TMEM131L: variants seen among roughly 807,000 people sequenced by gnomAD.
The protein encoded by TMEM131L is transmembrane 131 like, also known as transmembrane protein 131-like.
TMEM131L carries 54 observed loss-of-function variants against 192.2 expected under a neutral mutation model. The observed-to-expected ratio is 0.28, with a 90% confidence interval of 0.23 to 0.35. The LOEUF (loss-of-function observed/expected upper bound fraction) is 0.35. TMEM131L is among the 10% of genes least tolerant of loss of function. TMEM131L has a pLI of 1.00. For missense variants in TMEM131L, 1,888 were observed against 1,972.9 expected, an observed-to-expected ratio of 0.96 and a Z score of 0.82; for synonymous variants, 701 against 704.9, an observed-to-expected ratio of 0.99 and a Z score of 0.09.
chr4:153,548,134 A>C (rs1737331509), intron 3 of TMEM131L, among the ~76,000 whole-genome samples: 1 of 151,936 alleles, frequency 6.6e-6, no homozygotes, highest in African/African-American at 2.4e-5. Context: ...GTGGTTCTTC[A>C]CGTCGTTTCC....
chr4:153,572,930 G>C (rs1469275150), intron 7 of TMEM131L, among the ~76,000 whole-genome samples: 1 of 152,130 alleles, frequency 6.6e-6, no homozygotes, highest in Non-Finnish European at 1.5e-5. Flanking sequence ...GACTATTCTA[G>C]GTCCCTCATA....
chr4:153,480,263 C>T (rs146089421), intron 3 of TMEM131L, among the ~76,000 whole-genome samples: 2,854 of 151,890 alleles, frequency 0.019, 86 homozygotes, highest in African/African-American at 0.065. Context: ...GGCATGAACC[C>T]GGGAGTCGGA....
Position 153,636,604 on chromosome 4 carries a change from A to G in TMEM131L, c.*28A>G, listed in dbSNP as rs1442676048. 2 of 1,598,906 alleles carry G rather than the reference A, an allele frequency of 1.3e-6. No homozygotes were observed. The highest frequency in any genetic ancestry group is 1.7e-6 in the Non-Finnish European group (2 of 1,168,920). ...ATAATTGGATTTTTAAACAATGTGA[A>G]TAAAGAGGCTTGTGTTTTGATTACT... is the stretch of plus-strand genomic sequence containing the variant. On this transcript the variant is annotated 3_prime_UTR_variant, in exon 35 of 35. Coordinates refer to ENST00000409959, the MANE Select transcript of TMEM131L (RefSeq NM_001131007.2).
At chr4:153,492,710 G>A (rs2149899958) in intron 3 of TMEM131L, among the ~76,000 whole-genome samples, 1 of 152,286 alleles carries the variant, frequency 6.6e-6, no homozygotes, top group South Asian at 2.1e-4. Context: ...CATGTGACTT[G>A]GGCTACACTT....
At chr4:153,538,275 C>A (rs1736495161) in intron 3 of TMEM131L, among the ~76,000 whole-genome samples, 1 of 152,062 alleles carries the variant, frequency 6.6e-6, no homozygotes, top group African/African-American at 2.4e-5. Flanking sequence ...TCTGGAATAC[C>A]CTCCCACCTT....
In TMEM131L at chr4:153,537,014, G is replaced by A. The variant is rs192037696; in HGVS notation, c.240-13059G>A. On this transcript the variant is annotated intron_variant, in intron 3 of 34. Transcript: ENST00000409959. ...CTGCGCTGGCAGCTGATTAGATGGT[G>A]CCCACCCAGATTAAGGGTGGGTCTG... Among the ~76,000 whole-genome samples the A allele has an allele frequency of 2.4e-3, 371 of 152,266 alleles. 1 individual carries two copies. The highest frequency in any genetic ancestry group is 8.8e-3 in the African/African-American group (364 of 41,568).
At chr4:153,504,125 C>T (rs1226363036) in intron 3 of TMEM131L, among the ~76,000 whole-genome samples, 25 of 151,818 alleles carry the variant, frequency 1.6e-4, no homozygotes, top group Admixed American at 1.6e-3. Flanking sequence ...CGCCACCACG[C>T]CCGGCTAATT....
chr4:153,569,243 G>A (rs1041495721), intron 7 of TMEM131L, among the ~76,000 whole-genome samples: 2 of 152,160 alleles, frequency 1.3e-5, no homozygotes, highest in African/African-American at 2.4e-5. Context: ...GAGATCAGCC[G>A]ATTTCCAGCC....
intron 7 of TMEM131L, among the ~76,000 whole-genome samples, chr4:153,565,592 A>T (rs546234568): frequency 2.0e-5 from 3 of 152,328 alleles, no homozygotes; most frequent in South Asian, 2.1e-4. Flanking sequence ...AGTAAATGCT[A>T]TATTGATTTT....
intron 28 of TMEM131L, 115 bp downstream of exon 28, chr4:153,621,964 G>A: frequency 1.0e-6 from 1 of 999,486 alleles, no homozygotes; most frequent in South Asian, 1.6e-5. Flanking sequence ...AGGCAACTTA[G>A]CTAATAACTA....
chr4:153,530,190 G>C (rs777577363), intron 3 of TMEM131L, among the ~76,000 whole-genome samples: 2 of 152,070 alleles, frequency 1.3e-5, no homozygotes, highest in Admixed American at 6.6e-5. Flanking sequence ...TTGAATTTTG[G>C]CAGATCTTGG....
intron 27 of TMEM131L, among the ~76,000 whole-genome samples, chr4:153,621,280 C>T (rs1424447051): frequency 2.0e-5 from 3 of 152,148 alleles, no homozygotes; most frequent in Non-Finnish European, 4.4e-5. Flanking sequence ...GACCCACCTG[C>T]GCTATCTGGG....
intron 8 of TMEM131L, among the ~76,000 whole-genome samples, chr4:153,581,122 C>T (rs190919042): frequency 2.6e-4 from 39 of 152,260 alleles, no homozygotes; most frequent in African/African-American, 8.9e-4. Context: ...GGCGTGCTGG[C>T]GGGTGCCCGT....
chr4:153,496,608 G>T (rs143429573), intron 3 of TMEM131L, among the ~76,000 whole-genome samples: 18 of 152,270 alleles, frequency 1.2e-4, no homozygotes, highest in Admixed American at 1.2e-3. Context: ...GGCCAGGTTG[G>T]AGTGTGGTGG....
chr4:153,587,624 G>C (rs1290785395), intron 14 of TMEM131L, 118 bp from the exon 15 acceptor site: 1 of 758,444 alleles, frequency 1.3e-6, no homozygotes, highest in Admixed American at 2.1e-5. Flanking sequence ...TTTTTGGCTC[G>C]TGGTTAAAGG....
chr4:153,501,884 T>C (rs944577417), intron 3 of TMEM131L, among the ~76,000 whole-genome samples: 2 of 150,930 alleles, frequency 1.3e-5, no homozygotes, highest in South Asian at 4.2e-4. Context: ...AGGAAGGAGC[T>C]AGAGTAGGAT....
At chr4:153,511,054 A>G (rs1248783830) in intron 3 of TMEM131L, among the ~76,000 whole-genome samples, 2 of 152,240 alleles carry the variant, frequency 1.3e-5, no homozygotes, top group Admixed American at 1.3e-4. Context: ...TAGTTCAACC[A>G]CTGTGGAAAG....
At chr4:153,472,430 C>G (rs554417021) in intron 2 of TMEM131L, among the ~76,000 whole-genome samples, 7 of 152,116 alleles carry the variant, frequency 4.6e-5, no homozygotes, top group African/African-American at 1.4e-4. Context: ...TAGTCATATC[C>G]ACATGTAGTT....
At chr4:153,480,264 G>C (rs931584049) in intron 3 of TMEM131L, among the ~76,000 whole-genome samples, 2 of 152,096 alleles carry the variant, frequency 1.3e-5, no homozygotes, top group African/African-American at 4.8e-5. Flanking sequence ...GCATGAACCC[G>C]GGAGTCGGAG....
Sources: gnomAD v4.1 joint callset for allele counts (sites outside exome capture counted in the v4.1 genomes callset) on GRCh38, gnomAD v4.1.1 for gene constraint, MANE v1.5 for transcripts, NCBI Gene and HGNC (gene_info 2026-07-23, HGNC 2026-07-21) for gene names.